The following IL1RAPL2 variants were observed in gnomAD, a reference collection of about 807,000 sequenced individuals.
The protein encoded by IL1RAPL2 is X-linked interleukin-1 receptor accessory protein-like 2.
A neutral mutation model predicts 44.1 loss-of-function variants in IL1RAPL2; 3 were observed. That is an observed-to-expected ratio of 0.07 (90% CI 0.03 to 0.18). The LOEUF is 0.18. Ranked by LOEUF, IL1RAPL2 falls within the 10% of genes least tolerant of loss-of-function variation. The pLI is 1.00. For synonymous variants in IL1RAPL2, 181 were observed against 178.8 expected (o/e 1.01, Z -0.10); for missense variants, 391 against 496.4 (o/e 0.79, Z 2.02).
chrX:105,194,381 G>A (rs960412197), intron 2 of IL1RAPL2, among the ~76,000 whole-genome samples: 1 of 111,601 alleles, frequency 9.0e-6, no homozygotes, highest in Non-Finnish European at 1.9e-5. Context: ...TTTTTTAAAG[G>A]GTAATCAAGA....
intron 2 of IL1RAPL2, among the ~76,000 whole-genome samples, chrX:104,810,026 A>G (rs1203355787): frequency 9.0e-6 from 1 of 111,108 alleles, no homozygotes; most frequent in South Asian, 3.8e-4. Context: ...AATGTCCAAC[A>G]ATGATAGACT....
intron 1 of IL1RAPL2, among the ~76,000 whole-genome samples, chrX:104,621,358 T>A (rs758540133): frequency 1.8e-5 from 2 of 109,133 alleles, no homozygotes; most frequent in Non-Finnish European, 3.8e-5. Flanking sequence ...CTCTCCCCCA[T>A]TGCAAGCCTG....
intron 2 of IL1RAPL2, among the ~76,000 whole-genome samples, chrX:104,898,167 A>C (rs1425523572): frequency 1.8e-5 from 2 of 112,238 alleles, no homozygotes. Context: ...AAACTGGGTT[A>C]GGTAGTGAAT....
At chrX:105,027,854 T>G (rs890124099) in intron 2 of IL1RAPL2, among the ~76,000 whole-genome samples, 3 of 111,593 alleles carry the variant, frequency 2.7e-5, no homozygotes, top group African/African-American at 9.7e-5. Flanking sequence ...AGGAAATCAG[T>G]ATATTGAAGA....
At chrX:105,040,518 C>T (rs61437345) in intron 2 of IL1RAPL2, among the ~76,000 whole-genome samples, 6,630 of 109,746 alleles carry the variant, frequency 0.06, 655 homozygotes, top group African/African-American at 0.21. Context: ...TCCTGGACTC[C>T]TTTTGGTTGG....
At chrX:104,575,350 A>C (rs1003185289) in intron 1 of IL1RAPL2, among the ~76,000 whole-genome samples, 3 of 111,384 alleles carry the variant, frequency 2.7e-5, no homozygotes, top group Admixed American at 9.6e-5. Flanking sequence ...CCATCAGCTA[A>C]CCACCCACAA....
intron 2 of IL1RAPL2, among the ~76,000 whole-genome samples, chrX:104,741,347 G>A (rs2147578139): frequency 9.0e-6 from 1 of 111,165 alleles, no homozygotes; most frequent in African/African-American, 3.3e-5. Flanking sequence ...CTCTAATACT[G>A]TAATATAAAT....
chrX:105,584,194 G>C (rs1195578278), intron 6 of IL1RAPL2, among the ~76,000 whole-genome samples: 1 of 111,565 alleles, frequency 9.0e-6, no homozygotes, highest in Non-Finnish European at 1.9e-5. Flanking sequence ...TTATCTGAGA[G>C]AAGAGTGTGA....
intron 1 of IL1RAPL2, among the ~76,000 whole-genome samples, chrX:104,634,073 C>T (rs1215058181): frequency 5.2e-4 from 58 of 111,462 alleles, no homozygotes; most frequent in African/African-American, 1.9e-3. Flanking sequence ...CAAAGAACAT[C>T]TTTATTACTG....
chrX:105,418,908 T>C (rs1423849521), intron 5 of IL1RAPL2, among the ~76,000 whole-genome samples: 2 of 112,338 alleles, frequency 1.8e-5, no homozygotes, highest in African/African-American at 6.5e-5. Flanking sequence ...TAATGGATCA[T>C]ATGCTTTGTC....
chrX:104,959,249 C>T (rs1018200888), intron 2 of IL1RAPL2, among the ~76,000 whole-genome samples: 1 of 111,498 alleles, frequency 9.0e-6, no homozygotes, highest in African/African-American at 3.3e-5. Context: ...TCGTGTTAGC[C>T]TTTGTTATTT....
Position 104,579,960 on chromosome X carries a change from CT to C in IL1RAPL2, c.-20+12910del, listed in dbSNP as rs746387007. Among the ~76,000 whole-genome samples the C allele has an allele frequency of 5.3e-4, 59 of 111,307 alleles. No individual in the cohort carries two copies. In the East Asian group the frequency reaches 0.01, roughly 19 times the overall value. ...ATTTATATTAGAATCTTCCCCACCC[CT>C]ATCCCCACACAAACATCCATTGATG... is the stretch of plus-strand genomic sequence containing the variant. On this transcript the variant is annotated intron_variant, in intron 1 of 10. Coordinates refer to ENST00000372582, the MANE Select transcript of IL1RAPL2 (RefSeq NM_017416.2).
intron 2 of IL1RAPL2, among the ~76,000 whole-genome samples, chrX:104,674,406 T>C (rs1277007278): frequency 8.9e-6 from 1 of 112,104 alleles, no homozygotes; most frequent in East Asian, 2.8e-4. Flanking sequence ...TATTTATTGA[T>C]TTGCGTATAT....
At chrX:104,991,480 G>A (rs1311642005) in intron 2 of IL1RAPL2, among the ~76,000 whole-genome samples, 1 of 111,653 alleles carries the variant, frequency 9.0e-6, no homozygotes, top group Non-Finnish European at 1.9e-5. Context: ...AATGTCAGAG[G>A]TCTACCTGCC....
intron 5 of IL1RAPL2, among the ~76,000 whole-genome samples, chrX:105,358,193 C>A (rs1408847034): frequency 9.0e-6 from 1 of 110,536 alleles, no homozygotes; most frequent in African/African-American, 3.3e-5. Flanking sequence ...TGCAAATTTG[C>A]AGGCTTTAGA....
intron 2 of IL1RAPL2, chrX:104,803,981 A>G (rs1932903280): frequency 8.9e-6 from 1 of 112,969 alleles, no homozygotes; most frequent in Non-Finnish European, 1.9e-5. Flanking sequence ...CAAATGCTAC[A>G]TGCTTCCCCT....
intron 2 of IL1RAPL2, among the ~76,000 whole-genome samples, chrX:104,671,325 T>C (rs1264709724): frequency 1.8e-5 from 2 of 111,440 alleles, no homozygotes; most frequent in Non-Finnish European, 1.9e-5. Flanking sequence ...TTATTTATCA[T>C]TCTGAAAAAA....
intron 1 of IL1RAPL2, among the ~76,000 whole-genome samples, chrX:104,634,547 A>G (rs980058559): frequency 6.3e-5 from 7 of 111,923 alleles, no homozygotes; most frequent in African/African-American, 2.3e-4. Flanking sequence ...GTGCATATAT[A>G]TTTAGGATAG....
At chrX:105,165,844 T>C (rs1249948449) in intron 2 of IL1RAPL2, among the ~76,000 whole-genome samples, 2 of 111,763 alleles carry the variant, frequency 1.8e-5, no homozygotes, top group African/African-American at 6.5e-5. Context: ...CAAAATTTAG[T>C]TCAAGGGCCA....
Sources: allele counts gnomAD v4.1 joint callset (sites outside exome capture counted in the v4.1 genomes callset), GRCh38; gene constraint gnomAD v4.1.1; transcripts MANE v1.5; gene names NCBI Gene and HGNC (gene_info 2026-07-23, HGNC 2026-07-21).